The following ITGA2 variants were observed in gnomAD, a reference collection of about 807,000 sequenced individuals.
ITGA2 encodes the protein integrin alpha-2.
In ITGA2, 101 loss-of-function variants were observed where a neutral mutation model predicts 146.3. The ratio of observed to expected loss-of-function variants is 0.69; its 90% confidence interval spans 0.59 to 0.81. ITGA2 has a LOEUF of 0.81. Among genes scored for constraint, ITGA2 ranks in the 40% least tolerant of loss-of-function variants. ITGA2 has a pLI of 0.00. For missense variants in ITGA2, 1,281 were observed against 1,402.7 expected, an observed-to-expected ratio of 0.91 and a Z score of 1.39; for synonymous variants, 477 against 487.1, an observed-to-expected ratio of 0.98 and a Z score of 0.27.
intron 1 of ITGA2, among the ~76,000 whole-genome samples, chr5:53,008,812 T>C (rs1369720788): frequency 6.6e-6 from 1 of 152,126 alleles, no homozygotes; most frequent in African/African-American, 2.4e-5. Flanking sequence ...TTCTCCACTC[T>C]GCCAGGTCTG....
Position 53,048,668 on chromosome 5 carries a change from G to A in ITGA2, c.528G>A (p.Val176=). 3.7e-6 allele frequency: 6 copies of A among 1,613,968 alleles called. No homozygotes were observed. The highest frequency in any genetic ancestry group is 5.1e-6 in the Non-Finnish European group (6 of 1,179,954). ...CCTGCCCTTCCCTCATAGATGTTGTGGTTGTGTGTGATGAATCAAATAGTA... is the reference window on the plus strand; with the variant it reads ...CCTGCCCTTCCCTCATAGATGTTGTAGTTGTGTGTGATGAATCAAATAGTA... The part of the protein sequence containing the change: ...TQPCPSLIDV[V]VVCDESNSIY... The change falls in exon 6 of 30, where the codon GTG becomes GTA. Residue 176 remains valine (V), a synonymous_variant. Coordinates refer to ENST00000296585, the MANE Select transcript of ITGA2 (RefSeq NM_002203.4).
intron 1 of ITGA2, among the ~76,000 whole-genome samples, chr5:52,992,640 T>C (rs1741020630): frequency 6.6e-6 from 1 of 152,320 alleles, no homozygotes; most frequent in East Asian, 1.9e-4. Flanking sequence ...ACCCAGTCAG[T>C]CCCTCATCTT....
intron 4 of ITGA2, among the ~76,000 whole-genome samples, chr5:53,047,656 C>T (rs1744157649): frequency 6.6e-6 from 1 of 152,170 alleles, no homozygotes; most frequent in African/African-American, 2.4e-5. Context: ...TCTGGCAACA[C>T]AACCTATTTC....
At chr5:52,993,564 G>C (rs1279877778) in intron 1 of ITGA2, among the ~76,000 whole-genome samples, 1 of 152,122 alleles carries the variant, frequency 6.6e-6, no homozygotes, top group African/African-American at 2.4e-5. Flanking sequence ...GAGCGGCTGT[G>C]TCAGTTAAAT....
At chr5:52,998,803 G>C (rs1741417944) in intron 1 of ITGA2, among the ~76,000 whole-genome samples, 2 of 152,174 alleles carry the variant, frequency 1.3e-5, no homozygotes, top group Admixed American at 1.3e-4. Flanking sequence ...TATTCAATGA[G>C]TGATGAATCT....
At chr5:53,078,937 T>C in intron 24 of ITGA2, 63 bp downstream of exon 24, 1 of 934,888 alleles carries the variant, frequency 1.1e-6, no homozygotes, top group Non-Finnish European at 1.8e-6. Flanking sequence ...AAAATGAGTC[T>C]GGAAATAAAA....
chr5:53,072,110 T>C, intron 18 of ITGA2, 62 bp downstream of exon 18: 1 of 1,149,022 alleles, frequency 8.7e-7, no homozygotes, highest in Non-Finnish European at 1.3e-6. Flanking sequence ...GTCACTGCAA[T>C]AGTGTCTGAA....
At chr5:53,073,838 T>C (rs1282717707) in intron 20 of ITGA2, among the ~76,000 whole-genome samples, 1 of 150,976 alleles carries the variant, frequency 6.6e-6, no homozygotes, top group Non-Finnish European at 1.5e-5. Context: ...GTTAATGTGA[T>C]CTTAATAGGC....
intron 2 of ITGA2, among the ~76,000 whole-genome samples, chr5:53,038,447 C>T (rs932825567): frequency 3.9e-5 from 6 of 152,102 alleles, no homozygotes; most frequent in African/African-American, 1.4e-4. Context: ...GTAGCCTAGG[C>T]CCCACAGTAT....
chr5:53,046,194 CAAAA>C (rs58926174), intron 4 of ITGA2, among the ~76,000 whole-genome samples: 7 of 99,032 alleles, frequency 7.1e-5, no homozygotes, highest in South Asian at 3.6e-4. Flanking sequence ...GACTCTGTCT[CAAAA>C]AAAAAAAAAA....
chr5:52,990,993 A>AT (rs1740925661), intron 1 of ITGA2, among the ~76,000 whole-genome samples: 1 of 152,054 alleles, frequency 6.6e-6, no homozygotes, highest in African/African-American at 2.4e-5. Context: ...ACATAACATC[A>AT]TTTTCTTATC....
chr5:53,081,467 G>A (rs770975945), intron 25 of ITGA2, 125 bp from the exon 26 acceptor site: 63 of 741,398 alleles, frequency 8.5e-5, no homozygotes, highest in Middle Eastern at 3.6e-4. Context: ...GGTCAGTGGC[G>A]TTGAAAGAAG....
At chr5:53,037,560 A>G (rs996538978) in intron 2 of ITGA2, among the ~76,000 whole-genome samples, 4 of 152,184 alleles carry the variant, frequency 2.6e-5, no homozygotes, top group East Asian at 1.9e-4. Flanking sequence ...GAATGCCACA[A>G]TTTTCTTGGA....
At chr5:53,027,665 C>A (rs912044086) in intron 2 of ITGA2, among the ~76,000 whole-genome samples, 2 of 152,214 alleles carry the variant, frequency 1.3e-5, no homozygotes, top group Admixed American at 6.5e-5. Context: ...GGGACCTTAT[C>A]TCCTTGTTGC....
At chr5:53,083,481 T>C (rs1363481303) in intron 27 of ITGA2, 28 bp downstream of exon 27, 1 of 1,297,036 alleles carries the variant, frequency 7.7e-7, no homozygotes, top group Non-Finnish European at 1.1e-6. Flanking sequence ...TTGTTAGATT[T>C]ATCAATAGCA....
chr5:53,055,493 T>A, intron 7 of ITGA2, 45 bp from the exon 8 acceptor site: 1 of 1,589,256 alleles, frequency 6.3e-7, no homozygotes, highest in Non-Finnish European at 8.6e-7. Context: ...TCATATTAAC[T>A]TCATATTTTG....
At chr5:53,058,571 C>T (rs1744749881) in intron 10 of ITGA2, among the ~76,000 whole-genome samples, 1 of 151,868 alleles carries the variant, frequency 6.6e-6, no homozygotes, top group East Asian at 1.9e-4. Context: ...TGGAATACAA[C>T]ACTGTCTTTT....
rs769086480 is a variant in ITGA2 at position 53,090,510 on chromosome 5, C to T, written c.3466-9C>T. 4 of 1,613,298 alleles carry T rather than the reference C, an allele frequency of 2.5e-6. No individual in the cohort carries two copies. Among genetic ancestry groups the T allele is most frequent in the South Asian group, 2.2e-5 (2 of 91,062 alleles). On this transcript the variant is annotated splice_polypyrimidine_tract_variant and intron_variant, in intron 29 of 29. Coordinates refer to ENST00000296585, the MANE Select transcript of ITGA2 (RefSeq NM_002203.4). ...GGGTGGTAACATTCTTATATCATCA[C>T]CTTTACAGCTCGGCTTCTTCAAAAG...
At chr5:53,021,209 C>T (rs1168900822) in intron 1 of ITGA2, among the ~76,000 whole-genome samples, 1 of 152,016 alleles carries the variant, frequency 6.6e-6, no homozygotes. Flanking sequence ...AGTTTATATG[C>T]TACCATTTGC....
Sources: gnomAD v4.1 joint callset for allele counts (sites outside exome capture counted in the v4.1 genomes callset) on GRCh38, gnomAD v4.1.1 for gene constraint, MANE v1.5 for transcripts, NCBI Gene and HGNC (gene_info 2026-07-23, HGNC 2026-07-21) for gene names.